The following CNTLN variants were observed in gnomAD, a reference collection of about 807,000 sequenced individuals.
CNTLN encodes the protein centlein.
Under a neutral mutation model 180.0 loss-of-function variants are expected in CNTLN, and 212 were observed. The observed-to-expected ratio is 1.18, with a 90% CI of 1.05 to 1.32. CNTLN has a LOEUF of 1.32. Among genes scored for constraint, CNTLN ranks in the 40% most tolerant of loss-of-function variants. The pLI, the probability that CNTLN is intolerant of heterozygous loss-of-function variation, is 0.00. For synonymous variants in CNTLN, 722 were observed against 563.1 expected (o/e 1.28, Z -3.99); for missense variants, 2,095 against 1,610.9 (o/e 1.30, Z -5.14).
chr9:17,309,391 T>A, intron 8 of CNTLN, 139 bp downstream of exon 8: 2 of 619,400 alleles, frequency 3.2e-6, no homozygotes, highest in South Asian at 3.9e-5. Flanking sequence ...TGCATTATAC[T>A]GTTTTTATAC....
intron 18 of CNTLN, among the ~76,000 whole-genome samples, chr9:17,452,921 G>A (rs911241057): frequency 3.3e-5 from 5 of 152,076 alleles, no homozygotes; most frequent in African/African-American, 1.2e-4. Flanking sequence ...TTGCTTGTCA[G>A]TTAAACTACA....
At chr9:17,451,416 C>G (rs532144894) in intron 18 of CNTLN, among the ~76,000 whole-genome samples, 25 of 152,228 alleles carry the variant, frequency 1.6e-4, no homozygotes, top group African/African-American at 5.5e-4. Flanking sequence ...ATTAAATAGT[C>G]TTAAGTCAGT....
chr9:17,264,992 A>T (rs1387402953), intron 5 of CNTLN, among the ~76,000 whole-genome samples: 2 of 144,714 alleles, frequency 1.4e-5, no homozygotes, highest in Non-Finnish European at 3.0e-5. Flanking sequence ...GCAAACAGGG[A>T]CAATTTGACT....
intron 23 of CNTLN, among the ~76,000 whole-genome samples, chr9:17,471,665 T>A (rs898158930): frequency 6.6e-6 from 1 of 152,104 alleles, no homozygotes; most frequent in Non-Finnish European, 1.5e-5. Flanking sequence ...AGAGTGACAC[T>A]TTTTAAAACT....
intron 22 of CNTLN, among the ~76,000 whole-genome samples, chr9:17,466,396 T>C (rs1348647555): frequency 6.6e-6 from 1 of 151,504 alleles, no homozygotes; most frequent in Non-Finnish European, 1.5e-5. Flanking sequence ...ATCTAAATTT[T>C]GTAGGCCCAC....
intron 13 of CNTLN, among the ~76,000 whole-genome samples, chr9:17,383,999 A>G (rs78281622): frequency 7.9e-4 from 120 of 152,330 alleles, no homozygotes; most frequent in African/African-American, 2.8e-3. Flanking sequence ...CACAAAGCTA[A>G]TTCATTTAAA....
intron 12 of CNTLN, among the ~76,000 whole-genome samples, chr9:17,354,550 C>T (rs999728282): frequency 1.3e-5 from 2 of 152,182 alleles, no homozygotes; most frequent in Non-Finnish European, 2.9e-5. Context: ...CCAATCAACA[C>T]TCTGTATCTA....
chr9:17,240,267 T>C (rs1587295071), intron 5 of CNTLN, among the ~76,000 whole-genome samples: 1 of 152,192 alleles, frequency 6.6e-6, no homozygotes, highest in Non-Finnish European at 1.5e-5. Flanking sequence ...TCATTCATAA[T>C]GTATACATAC....
chr9:17,485,015 A>G (rs1832826295), intron 24 of CNTLN, among the ~76,000 whole-genome samples: 1 of 152,178 alleles, frequency 6.6e-6, no homozygotes, highest in South Asian at 2.1e-4. Context: ...TTATATGCAT[A>G]CAGGCATAGT....
intron 15 of CNTLN, among the ~76,000 whole-genome samples, chr9:17,400,565 A>G (rs745771570): frequency 3.3e-5 from 5 of 152,332 alleles, no homozygotes; most frequent in Non-Finnish European, 4.4e-5. Flanking sequence ...TGACCTGTCT[A>G]TGCTTCAATT....
intron 8 of CNTLN, among the ~76,000 whole-genome samples, chr9:17,319,542 T>C (rs1400426928): frequency 6.6e-6 from 1 of 152,178 alleles, no homozygotes; most frequent in Non-Finnish European, 1.5e-5. Flanking sequence ...GAGTAATGGA[T>C]AAAAACATAG....
chr9:17,422,345 T>C (rs1335036616), intron 18 of CNTLN, among the ~76,000 whole-genome samples: 1 of 152,148 alleles, frequency 6.6e-6, no homozygotes, highest in Non-Finnish European at 1.5e-5. Context: ...GATTATTAAG[T>C]GCCTTGAGGT....
At chr9:17,259,389 G>C (rs1231048840) in intron 5 of CNTLN, among the ~76,000 whole-genome samples, 3 of 133,832 alleles carry the variant, frequency 2.2e-5, no homozygotes, top group East Asian at 4.4e-4. Context: ...GTATTTTATT[G>C]AGGATTTTTG....
intron 5 of CNTLN, among the ~76,000 whole-genome samples, chr9:17,242,044 C>T (rs925858236): frequency 6.6e-6 from 1 of 152,120 alleles, no homozygotes; most frequent in Non-Finnish European, 1.5e-5. Context: ...CTTTCTTTCT[C>T]TTGTCTGATT....
Position 17,388,207 on chromosome 9 carries a change from C to T in CNTLN, c.2033C>T (p.Thr678Ile). 1 of 1,612,454 alleles carries T rather than the reference C, an allele frequency of 6.2e-7. No homozygotes were observed. ...GAAGATGATGAGGTCAAGAGGAGTACTCCAGAGAAGAATGGAAAAGAAATG... is the reference window on the plus strand; with the variant it reads ...GAAGATGATGAGGTCAAGAGGAGTATTCCAGAGAAGAATGGAAAAGAAATG... ...SGEDDEVKRS[T>I]PEKNGKEMLE... Residue 678 changes from threonine to isoleucine, a missense_variant, in exon 14 of 26, where the codon ACT becomes ATT. Transcript: ENST00000380647.
At chr9:17,176,829 C>G (rs770511015) in intron 2 of CNTLN, among the ~76,000 whole-genome samples, 8 of 152,124 alleles carry the variant, frequency 5.3e-5, no homozygotes, top group Non-Finnish European at 1.0e-4. Flanking sequence ...TCTTGAGGAA[C>G]TGGTTTTTCT....
intron 2 of CNTLN, among the ~76,000 whole-genome samples, chr9:17,164,311 CAAAAAAA>C (rs774854028): frequency 3.9e-5 from 2 of 51,782 alleles, no homozygotes; most frequent in Non-Finnish European, 7.7e-5. Context: ...GACTCTGTCT[CAAAAAAA>C]AAAAAAAAAA....
At position 17,394,323 on chromosome 9, in the gene CNTLN, C is replaced by G. The variant is rs1354030999; in HGVS notation, c.2080-211C>G. ...CTGTCACTGTGTAGAATTTTACCTT[C>G]TTTTACCATCTGTCCTTTATTCAAC... On this transcript the variant is annotated intron_variant, in intron 14 of 25. Coordinates refer to ENST00000380647, the MANE Select transcript of CNTLN (RefSeq NM_017738.4). 2.6e-5 allele frequency among the ~76,000 whole-genome samples: 4 copies of G among 152,130 alleles called. No individual in the cohort carries two copies. The South Asian group carries it at 8.3e-4, about 32-fold the overall frequency.
chr9:17,457,798 C>A, intron 19 of CNTLN, 83 bp downstream of exon 19: 2 of 848,656 alleles, frequency 2.4e-6, no homozygotes, highest in Non-Finnish European at 3.2e-6. Flanking sequence ...CTAATTTATT[C>A]TAATAAAGGT....
Sources: gnomAD v4.1 joint callset for allele counts (sites outside exome capture counted in the v4.1 genomes callset) on GRCh38, gnomAD v4.1.1 for gene constraint, MANE v1.5 for transcripts, NCBI Gene and HGNC (gene_info 2026-07-23, HGNC 2026-07-21) for gene names.